Variants in DYNC1H1 observed in about 807,000 individuals in gnomAD.
DYNC1H1 encodes dynein cytoplasmic 1 heavy chain 1, also known as cytoplasmic dynein 1 heavy chain 1.
DYNC1H1 carries 51 observed loss-of-function variants against 527.1 expected under a neutral mutation model. The observed-to-expected ratio is 0.10, with a 90% CI of 0.08 to 0.12. The LOEUF is 0.12. DYNC1H1 is among the 10% of genes least tolerant of loss of function. DYNC1H1 has a pLI of 1.00. For synonymous variants in DYNC1H1, 2,189 were observed against 2,278.8 expected (o/e 0.96, Z 1.12); for missense variants, 2,771 against 5,971.8 (o/e 0.46, Z 17.66).
rs893356155 is a variant in DYNC1H1 at position 102,041,889 on chromosome 14, G to A, written c.12103-124G>A. ...CAGATTCTCAACTCCTGGCTGCATG[G>A]TGCCCACACCTCTGGGCCCAGAAAG... On this transcript the variant is annotated intron_variant, in intron 65 of 77. Coordinates refer to ENST00000360184, the MANE Select transcript of DYNC1H1 (RefSeq NM_001376.5). The surrounding 1 kb of genome is among the most constrained non-coding windows in gnomAD (Gnocchi z 4.5). 11 of 1,495,514 alleles carry A rather than the reference G, an allele frequency of 7.4e-6. No individual in the cohort carries two copies. The highest frequency in any genetic ancestry group is 5.8e-5 in the South Asian group (5 of 85,476). 92.6% of individuals were successfully genotyped at this position (1,495,514 alleles called of 1,614,324 possible).
Position 102,028,055 on chromosome 14 carries a change from G to T in DYNC1H1, c.9382G>T (p.Val3128Phe). ...PNYIVPDYMP[V>F]VYDKLPQPPS... is the part of the protein sequence containing the mutation. ...TTACATCGTGCCTGATTACATGCCAGTTGTGTATGATAAGCTGCCGCAGCC... is the reference window on the plus strand; with the variant it reads ...TTACATCGTGCCTGATTACATGCCATTTGTGTATGATAAGCTGCCGCAGCC... Residue 3128 changes from valine to phenylalanine, a missense_variant, in exon 48 of 78, where the codon GTT becomes TTT. Transcript: ENST00000360184. 6.2e-7 allele frequency: 1 copy of T among 1,614,220 alleles called. No homozygotes were observed. Among genetic ancestry groups the T allele is most frequent in the Non-Finnish European group, 8.5e-7 (1 of 1,180,044 alleles).
chr14:102,001,128 G>GT lies in DYNC1H1; in HGVS notation c.4186-14dup. Reference sequence around the variant, plus strand: ...GAAACGCACCTGCACAGATCACTTTGTTTACTTTCTCCACAGATAAATATG... The same window carrying GT: ...GAAACGCACCTGCACAGATCACTTTGTTTTACTTTCTCCACAGATAAATATG... On this transcript the variant is annotated splice_polypyrimidine_tract_variant and intron_variant, in intron 19 of 77. Transcript: ENST00000360184. The surrounding 1 kb of genome is among the most constrained non-coding windows in gnomAD (Gnocchi z 5.0). 9 of 1,614,138 alleles carry GT rather than the reference G, an allele frequency of 5.6e-6. No individual in the cohort carries two copies. The highest frequency in any genetic ancestry group is 7.6e-6 in the Non-Finnish European group (9 of 1,180,032).
chr14:102,028,283 G>A (rs964303405), intron 48 of DYNC1H1, 142 bp downstream of exon 48: 9 of 985,956 alleles, frequency 9.1e-6, no homozygotes, highest in South Asian at 5.6e-5. Flanking sequence ...AGGCCAAGGC[G>A]GGAGGATCAC....
At chr14:101,991,451 G>A (rs1363027350) in intron 10 of DYNC1H1, 76 bp from the exon 11 acceptor site, 1 of 1,580,242 alleles carries the variant, frequency 6.3e-7, no homozygotes, top group African/African-American at 1.4e-5. Flanking sequence ...GGCAGTAAGA[G>A]TGAAACTCTG....
In DYNC1H1 at chr14:101,964,680, G is replaced by C. The variant is rs554577662; in HGVS notation, c.-12G>C. 2 of 1,580,950 alleles carry C rather than the reference G, an allele frequency of 1.3e-6. No individual in the cohort carries two copies. The highest frequency in any genetic ancestry group is 2.3e-5 in the South Asian group (2 of 88,834). ...CTTCTCATCGCTCCTGGAAGGTCCC[G>C]AGCGCGACACCATGTCGGAGCCCGG... On this transcript the variant is annotated 5_prime_UTR_variant, in exon 1 of 78. Coordinates refer to ENST00000360184, the MANE Select transcript of DYNC1H1 (RefSeq NM_001376.5). This position sits in a 1 kb window ranked among gnomAD's most constrained non-coding sequence, Gnocchi z 5.5.
At chr14:102,025,177 C>T (rs2048434270) in intron 43 of DYNC1H1, among the ~76,000 whole-genome samples, 1 of 151,700 alleles carries the variant, frequency 6.6e-6, no homozygotes. Flanking sequence ...CTCGCCGAGG[C>T]AGGTGGATCA....
At chr14:101,982,035 G>A (rs2047871840) in intron 5 of DYNC1H1, among the ~76,000 whole-genome samples, 1 of 152,228 alleles carries the variant, frequency 6.6e-6, no homozygotes, top group Non-Finnish European at 1.5e-5. Context: ...CTGTGCAGAA[G>A]GAGGCCAGCA....
Position 102,031,238 on chromosome 14 carries a change from G to A in DYNC1H1, c.9883+956G>A, listed in dbSNP as rs115307313. Among the ~76,000 whole-genome samples the A allele has an allele frequency of 3.2e-3, 485 of 152,190 alleles. 5 individuals carry two copies. Among genetic ancestry groups the A allele is most frequent in the African/African-American group, 0.011 (451 of 41,536 alleles). ...ATAGAAGTCATTGGCCATTGTTTTTGTTTTGCTTTGTTTGAGACAGGGTCT... is the reference window on the plus strand; with the variant it reads ...ATAGAAGTCATTGGCCATTGTTTTTATTTTGCTTTGTTTGAGACAGGGTCT... On this transcript the variant is annotated intron_variant, in intron 51 of 77. Transcript: ENST00000360184.
rs996035420 is a variant in DYNC1H1 at position 102,053,206 on chromosome 14, T to C, written c.*2643T>C. 2.0e-5 allele frequency: 3 copies of C among 149,996 alleles called. No homozygotes were observed. The highest frequency in any genetic ancestry group is 1.3e-4 in the Admixed American group (2 of 14,878). The allele number at this position is 149,996 out of a possible 1,614,324, so 9.3% of individuals were successfully genotyped here. ...CCCAAGCTGGAGTGCAGTGGCGCAA[T>C]CTGGGCTCACTGCAACCTCCACCTC... On this transcript the variant is annotated 3_prime_UTR_variant, in exon 78 of 78. Coordinates refer to ENST00000360184, the MANE Select transcript of DYNC1H1 (RefSeq NM_001376.5).
chr14:101,992,302 A>AT lies in DYNC1H1; in HGVS notation c.3015+637dup, dbSNP rs578004763. On this transcript the variant is annotated intron_variant, in intron 11 of 77. Transcript: ENST00000360184. Reference sequence around the variant, plus strand: ...TGAATATAAACTCAGATCTTTAAGGATTTTTTTTGAGGTAGTTAATTGCCT... The same window carrying AT: ...TGAATATAAACTCAGATCTTTAAGGATTTTTTTTTGAGGTAGTTAATTGCCT... Among the ~76,000 whole-genome samples the AT allele has an allele frequency of 1.9e-3, 291 of 152,038 alleles. 2 individuals carry two copies. The highest frequency in any genetic ancestry group is 0.015 in the South Asian group (74 of 4,808).
At chr14:102,047,717 C>T in intron 72 of DYNC1H1, 100 bp from the exon 73 acceptor site, 6 of 1,442,884 alleles carry the variant, frequency 4.2e-6, no homozygotes, top group Non-Finnish European at 4.8e-6. Flanking sequence ...AGTGTGGACT[C>T]ACTCACCATG....
intron 5 of DYNC1H1, among the ~76,000 whole-genome samples, 194 bp downstream of exon 5, chr14:101,980,744 C>T (rs2047853829): frequency 6.6e-6 from 1 of 151,960 alleles, no homozygotes; most frequent in South Asian, 2.1e-4. Context: ...ACTTAGCTTT[C>T]CCCTTTCCCT....
At position 101,965,537 on chromosome 14, in the gene DYNC1H1, C is replaced by T. The variant is rs1250601759; in HGVS notation, c.256+590C>T. Among the ~76,000 whole-genome samples the T allele has an allele frequency of 6.6e-6, 1 of 152,138 alleles. No individual in the cohort carries two copies. The highest frequency in any genetic ancestry group is 1.5e-5 in the Non-Finnish European group (1 of 68,028). ...GACCCAGAGGCCGAGGCCCACAGAG[C>T]GACGGTGCCAGCCCCGGGCCTGCGA... On this transcript the variant is annotated intron_variant, in intron 1 of 77. Coordinates refer to ENST00000360184, the MANE Select transcript of DYNC1H1 (RefSeq NM_001376.5). This position sits in a 1 kb window ranked among gnomAD's most constrained non-coding sequence, Gnocchi z 4.1.
At position 102,042,874 on chromosome 14, in the gene DYNC1H1, C is replaced by A; in HGVS notation, c.12513+126C>A. ...GTGGTGAACTGCACAGCTGCTTTTG[C>A]TTTTCAGCTGTAGGTAAAATTTCCT... On this transcript the variant is annotated intron_variant, in intron 69 of 77. Coordinates refer to ENST00000360184, the MANE Select transcript of DYNC1H1 (RefSeq NM_001376.5). This position sits in a 1 kb window ranked among gnomAD's most constrained non-coding sequence, Gnocchi z 5.7. 2 of 1,130,102 alleles carry A rather than the reference C, an allele frequency of 1.8e-6. No homozygotes were observed. The highest frequency in any genetic ancestry group is 2.6e-6 in the Non-Finnish European group (2 of 769,610). 70.0% of individuals were successfully genotyped at this position (1,130,102 alleles called of 1,614,324 possible).
At chr14:102,045,178 C>G (rs762755558) in intron 72 of DYNC1H1, 1 of 220,552 alleles carries the variant, frequency 4.5e-6, no homozygotes, top group Non-Finnish European at 9.2e-6. Context: ...TGGCAGGCAC[C>G]TGTAATCCCA....
intron 34 of DYNC1H1, among the ~76,000 whole-genome samples, chr14:102,014,797 T>G (rs950491302): frequency 1.3e-5 from 2 of 152,058 alleles, no homozygotes; most frequent in Non-Finnish European, 2.9e-5. Flanking sequence ...CTGTAGGTGT[T>G]TTTTGTTTTT....
intron 72 of DYNC1H1, 123 bp from the exon 73 acceptor site, chr14:102,047,694 T>A (rs1350508820): frequency 6.4e-6 from 6 of 937,740 alleles, no homozygotes; most frequent in Non-Finnish European, 8.3e-6. Flanking sequence ...TTCCAGATTT[T>A]GCTGCAGTTC....
intron 8 of DYNC1H1, 147 bp from the exon 9 acceptor site, chr14:101,987,306 C>G: frequency 1.1e-6 from 1 of 898,662 alleles, no homozygotes. Context: ...GATTAGTGTT[C>G]TCACCCCAGC....
rs1310405154 is a variant in DYNC1H1 at position 102,032,608 on chromosome 14, TTG to T, written c.10079+142_10079+143del. Reference sequence around the variant, plus strand: ...GGCTCACGGCTCCAATCCCAGAACTTTGGGAGGCTGAGGCAGGTGAAGTGCTT... The same window carrying T: ...GGCTCACGGCTCCAATCCCAGAACTTGGAGGCTGAGGCAGGTGAAGTGCTT... On this transcript the variant is annotated intron_variant, in intron 52 of 77. Transcript: ENST00000360184. 7 of 1,134,708 alleles carry T rather than the reference TTG, an allele frequency of 6.2e-6. No homozygotes were observed. In the African/African-American group the frequency reaches 1.1e-4, roughly 17 times the overall value. The allele number at this position is 1,134,708 out of a possible 1,614,324, so 70.3% of individuals were successfully genotyped here. A position where few individuals can be genotyped will look rare whatever the true frequency, so the allele number is the denominator to read the frequency against.
Sources: gnomAD v4.1 joint callset for allele counts (sites outside exome capture counted in the v4.1 genomes callset) on GRCh38, gnomAD v4.1.1 for gene constraint, Gnocchi (gnomAD v3.1) non-coding constraint, MANE v1.5 for transcripts, NCBI Gene and HGNC (gene_info 2026-07-23, HGNC 2026-07-21) for gene names.